EVL: variants seen among roughly 807,000 people sequenced by gnomAD.
EVL encodes the protein Enah/Vasp-like, also known as ena/VASP-like protein.
In EVL, 21 loss-of-function variants were observed where a neutral mutation model predicts 59.6. The ratio of observed to expected loss-of-function variants is 0.35; its 90% confidence interval spans 0.25 to 0.51. The LOEUF (loss-of-function observed/expected upper bound fraction) is 0.51. Among genes scored for constraint, EVL ranks in the 20% least tolerant of loss-of-function variants. EVL has a pLI of 0.97. For missense variants in EVL, 462 were observed against 546.6 expected, an observed-to-expected ratio of 0.85 and a Z score of 1.54; for synonymous variants, 198 against 203.5, an observed-to-expected ratio of 0.97 and a Z score of 0.23.
intron 3 of EVL, among the ~76,000 whole-genome samples, chr14:100,104,247 A>G (rs1229650867): frequency 6.6e-6 from 1 of 152,168 alleles, no homozygotes; most frequent in Non-Finnish European, 1.5e-5. Context: ...GAGTTCTTCT[A>G]TTTATTATGA....
chr14:100,099,637 A>G (rs1292253548), intron 3 of EVL, among the ~76,000 whole-genome samples: 1 of 152,156 alleles, frequency 6.6e-6, no homozygotes, highest in Non-Finnish European at 1.5e-5. Context: ...AATGTTTACT[A>G]AACTGTCTGT....
intron 1 of EVL, among the ~76,000 whole-genome samples, chr14:100,084,052 CT>C (rs548584469): frequency 2.0e-3 from 271 of 134,606 alleles, no homozygotes; most frequent in South Asian, 0.012. Flanking sequence ...CTCTCTCTCT[CT>C]TTTTTTTTTT....
At chr14:100,008,884 CT>C (rs2140191101) in intron 1 of EVL, among the ~76,000 whole-genome samples, 1 of 152,086 alleles carries the variant, frequency 6.6e-6, no homozygotes, top group African/African-American at 2.4e-5. Flanking sequence ...GCAAATAGAA[CT>C]TTTTGAAACT....
At chr14:100,031,835 C>T (rs972429776) in intron 1 of EVL, among the ~76,000 whole-genome samples, 2 of 152,178 alleles carry the variant, frequency 1.3e-5, no homozygotes, top group Non-Finnish European at 2.9e-5. Context: ...TTGTGTGGCC[C>T]TGGGAGAAAC....
In EVL at chr14:100,127,744, C is replaced by T. The variant is rs762328240; in HGVS notation, c.488-775C>T. Among the ~76,000 whole-genome samples the T allele has an allele frequency of 2.8e-4, 43 of 152,332 alleles. No homozygotes were observed. The highest frequency in any genetic ancestry group is 9.6e-4 in the African/African-American group (40 of 41,588). On this transcript the variant is annotated intron_variant, in intron 5 of 13. Coordinates refer to ENST00000392920, the MANE Select transcript of EVL (RefSeq NM_016337.3). This position sits in a 1 kb window ranked among gnomAD's most constrained non-coding sequence, Gnocchi z 4.2. ...CCGTGAGGACGTCATGGAGGACGTCCGTCTTCCATGAACTTCTGGCCAGGC... is the reference window on the plus strand; with the variant it reads ...CCGTGAGGACGTCATGGAGGACGTCTGTCTTCCATGAACTTCTGGCCAGGC...
chr14:100,005,669 A>ACC (rs1555411875), intron 1 of EVL, among the ~76,000 whole-genome samples: 190 of 142,366 alleles, frequency 1.3e-3, no homozygotes, highest in African/African-American at 4.4e-3. Context: ...ACACACACAC[A>ACC]CCCCTTGGAT....
chr14:100,032,626 A>G (rs1286420918), intron 1 of EVL, among the ~76,000 whole-genome samples: 1 of 152,102 alleles, frequency 6.6e-6, no homozygotes, highest in Non-Finnish European at 1.5e-5. Flanking sequence ...TTTAGTCTGG[A>G]TCTGCACTCA....
chr14:99,977,875 C>T (rs2060780832), intron 1 of EVL, among the ~76,000 whole-genome samples: 1 of 151,888 alleles, frequency 6.6e-6, no homozygotes, highest in Non-Finnish European at 1.5e-5. Flanking sequence ...GCAGGCAGAT[C>T]ACCTGAGGTC....
At position 100,109,648 on chromosome 14, in the gene EVL, A is replaced by T; in HGVS notation, c.358+11990A>T. 1.9e-6 allele frequency: 1 copy of T among 529,720 alleles called. No individual in the cohort carries two copies. Among genetic ancestry groups the T allele is most frequent in the Non-Finnish European group, 3.9e-6 (1 of 257,630 alleles). 32.8% of individuals were successfully genotyped at this position (529,720 alleles called of 1,614,324 possible). A position where few individuals can be genotyped will look rare whatever the true frequency, so the allele number is the denominator to read the frequency against. ...CCTGAACCAAGACCGCTTGCTGGCC[A>T]ACCTGTGAAACTGGGCTCAAGGTGA... On this transcript the variant is annotated intron_variant, in intron 3 of 13. Coordinates refer to ENST00000392920, the MANE Select transcript of EVL (RefSeq NM_016337.3). The surrounding 1 kb of genome is among the most constrained non-coding windows in gnomAD (Gnocchi z 4.3).
intron 1 of EVL, among the ~76,000 whole-genome samples, chr14:100,078,562 G>A (rs1204515406): frequency 6.6e-6 from 1 of 150,874 alleles, no homozygotes; most frequent in Non-Finnish European, 1.5e-5. Flanking sequence ...GGGGCTTGGA[G>A]AGTGACGGCA....
intron 2 of EVL, among the ~76,000 whole-genome samples, chr14:100,089,956 C>T (rs1346161683): frequency 6.6e-6 from 1 of 151,864 alleles, no homozygotes; most frequent in Non-Finnish European, 1.5e-5. Flanking sequence ...CCAAAAAGTA[C>T]ATATGGGGAA....
At chr14:99,992,253 T>C (rs1279944601) in intron 1 of EVL, among the ~76,000 whole-genome samples, 1 of 152,208 alleles carries the variant, frequency 6.6e-6, no homozygotes, top group Non-Finnish European at 1.5e-5. Flanking sequence ...TATATCTTCT[T>C]TGGAGAATTA....
At chr14:100,048,093 C>T (rs1436744904) in intron 1 of EVL, among the ~76,000 whole-genome samples, 2 of 152,078 alleles carry the variant, frequency 1.3e-5, no homozygotes, top group Admixed American at 1.3e-4. Flanking sequence ...AGCGAAAGCA[C>T]CATCCATAAA....
intron 2 of EVL, among the ~76,000 whole-genome samples, chr14:100,095,659 G>A (rs184343391): frequency 3.9e-5 from 6 of 152,340 alleles, no homozygotes; most frequent in Middle Eastern, 3.4e-3. Flanking sequence ...CTTGTGTGTA[G>A]TTGTTGGCCA....
chr14:100,008,351 C>T (rs1393176524), intron 1 of EVL, among the ~76,000 whole-genome samples: 2 of 152,200 alleles, frequency 1.3e-5, no homozygotes, highest in Admixed American at 6.5e-5. Context: ...AATTCCATCT[C>T]TGACTGTGAT....
chr14:100,123,920 T>C (rs959406493), intron 4 of EVL, among the ~76,000 whole-genome samples: 1 of 152,176 alleles, frequency 6.6e-6, no homozygotes, highest in Non-Finnish European at 1.5e-5. Flanking sequence ...TCACTTGCCC[T>C]TCCCCAACGT....
chr14:100,109,366 C>A lies in EVL; in HGVS notation c.358+11708C>A. On this transcript the variant is annotated intron_variant, in intron 3 of 13. Coordinates refer to ENST00000392920, the MANE Select transcript of EVL (RefSeq NM_016337.3). This position sits in a 1 kb window ranked among gnomAD's most constrained non-coding sequence, Gnocchi z 4.3. ...GAAGCCTTCCCAGTGCCCCAGAAGA[C>A]CTCAGGCACCCCTTCCCAGTCCTCG... The A allele has an allele frequency of 2.8e-6, 1 of 358,492 alleles. No individual in the cohort carries two copies. The highest frequency in any genetic ancestry group is 2.1e-5 in the African/African-American group (1 of 46,904). The allele number at this position is 358,492 out of a possible 1,614,324, so 22.2% of individuals were successfully genotyped here. A position where few individuals can be genotyped will look rare whatever the true frequency, so the allele number is the denominator to read the frequency against.
intron 1 of EVL, among the ~76,000 whole-genome samples, chr14:100,076,682 A>G (rs942692153): frequency 4.9e-4 from 74 of 152,332 alleles, no homozygotes; most frequent in African/African-American, 1.7e-3. Flanking sequence ...TCGGCTGAGA[A>G]AAGTATCCCA....
intron 1 of EVL, among the ~76,000 whole-genome samples, chr14:100,071,457 CAGAGCTATGTGATGTTTTG>C: frequency 6.6e-6 from 1 of 152,242 alleles, no homozygotes; most frequent in South Asian, 2.1e-4. Flanking sequence ...TGGAATTTTC[CAGAGCTATGTGATGTTTTG>C]ACATCATCAC....
Sources: gnomAD v4.1 joint callset for allele counts (sites outside exome capture counted in the v4.1 genomes callset) on GRCh38, gnomAD v4.1.1 for gene constraint, Gnocchi (gnomAD v3.1) non-coding constraint, MANE v1.5 for transcripts, NCBI Gene and HGNC (gene_info 2026-07-23, HGNC 2026-07-21) for gene names.